The following CBFA2T2 variants were observed in gnomAD, a reference collection of about 807,000 sequenced individuals.
CBFA2T2 encodes the protein CBFA2/RUNX1 partner transcriptional co-repressor 2.
CBFA2T2 carries 11 observed loss-of-function variants against 62.2 expected under a neutral mutation model. That is an observed-to-expected ratio of 0.18 (90% confidence interval 0.11 to 0.29). The LOEUF is 0.29. Among genes scored for constraint, CBFA2T2 ranks in the 10% least tolerant of loss-of-function variants. The probability of loss-of-function intolerance (pLI) is 1.00; values close to 1 mark genes in which losing one functional copy is unlikely to be tolerated. For missense variants in CBFA2T2, 592 were observed against 774.1 expected (o/e 0.76, Z 2.79); for synonymous variants, 295 against 287.5 (o/e 1.03, Z -0.27).
intron 7 of CBFA2T2, among the ~76,000 whole-genome samples, chr20:33,628,967 T>A (rs917177341): frequency 2.0e-5 from 3 of 152,186 alleles, no homozygotes; most frequent in African/African-American, 7.2e-5. Flanking sequence ...GTATAATGGT[T>A]AACAACAAAG....
At chr20:33,555,970 A>G (rs997636914) in intron 1 of CBFA2T2, among the ~76,000 whole-genome samples, 1 of 152,178 alleles carries the variant, frequency 6.6e-6, no homozygotes, top group Non-Finnish European at 1.5e-5. Context: ...GACTCAGGCA[A>G]TCCCCCAACC....
rs567594440 is a variant in CBFA2T2, at chr20:33,606,570, T to C, written c.35-386T>C. ...GCACTCCTTGGCATTCCTCGGTGTA[T>C]AGATGTGTCACTCTAGTCCCTGCCT... On this transcript the variant is annotated intron_variant, in intron 1 of 10. Transcript: ENST00000342704. 5.3e-5 allele frequency among the ~76,000 whole-genome samples: 8 copies of C among 152,254 alleles called. No individual in the cohort carries two copies. The South Asian group carries it at 1.7e-3, about 32-fold the overall frequency.
intron 1 of CBFA2T2, among the ~76,000 whole-genome samples, chr20:33,498,494 C>T (rs1205890003): frequency 6.6e-6 from 1 of 151,968 alleles, no homozygotes; most frequent in Admixed American, 6.6e-5. Flanking sequence ...CTCAGGTCAT[C>T]TGCCCACCTC....
chr20:33,516,026 A>G (rs1237298614), intron 1 of CBFA2T2, among the ~76,000 whole-genome samples: 3 of 152,052 alleles, frequency 2.0e-5, no homozygotes, highest in Admixed American at 2.0e-4. Flanking sequence ...AATCCCAGTT[A>G]CTCAGGAGGC....
intron 1 of CBFA2T2, among the ~76,000 whole-genome samples, chr20:33,529,803 A>C (rs1344059050): frequency 7.5e-6 from 1 of 134,068 alleles, no homozygotes; most frequent in Non-Finnish European, 1.5e-5. Context: ...TTTTTTAATG[A>C]GATGGAGTTT....
At chr20:33,504,957 T>C (rs866953994) in intron 1 of CBFA2T2, among the ~76,000 whole-genome samples, 1 of 152,300 alleles carries the variant, frequency 6.6e-6, no homozygotes, top group South Asian at 2.1e-4. Context: ...TATATTCTTT[T>C]GGGGTTAGTG....
chr20:33,621,504 T>C (rs371944795), intron 4 of CBFA2T2, among the ~76,000 whole-genome samples: 5 of 151,988 alleles, frequency 3.3e-5, no homozygotes, highest in African/African-American at 1.2e-4. Flanking sequence ...GTAGCGACCA[T>C]ATTGTCCAGG....
At chr20:33,504,745 T>A (rs1218707290) in intron 1 of CBFA2T2, among the ~76,000 whole-genome samples, 7 of 152,172 alleles carry the variant, frequency 4.6e-5, no homozygotes, top group African/African-American at 1.7e-4. Context: ...TTTTCCAAAA[T>A]GGCTATACCA....
At chr20:33,497,955 T>G (rs1391798275) in intron 1 of CBFA2T2, among the ~76,000 whole-genome samples, 1 of 152,216 alleles carries the variant, frequency 6.6e-6, no homozygotes, top group East Asian at 1.9e-4. Context: ...AATGCTAGGA[T>G]TGCAGATGTG....
chr20:33,623,559 A>ATGTT (rs72452489), intron 5 of CBFA2T2, among the ~76,000 whole-genome samples: 24,289 of 148,802 alleles, frequency 0.16, 2,030 homozygotes, highest in Middle Eastern at 0.18. Flanking sequence ...TGACCAGCTA[A>ATGTT]TGTTTGTTTG....
chr20:33,557,696 G>A (rs1223064874), intron 1 of CBFA2T2, among the ~76,000 whole-genome samples: 3 of 151,794 alleles, frequency 2.0e-5, no homozygotes, highest in East Asian at 3.9e-4. Context: ...TTGTAGAAAT[G>A]GGATCTTGGT....
chr20:33,535,924 G>C (rs200938493), intron 1 of CBFA2T2, among the ~76,000 whole-genome samples: 1 of 152,144 alleles, frequency 6.6e-6, no homozygotes, highest in Admixed American at 6.5e-5. Context: ...ATCTTGCACC[G>C]CCCTTAATCC....
chr20:33,613,735 T>C (rs1038668860), intron 3 of CBFA2T2, among the ~76,000 whole-genome samples: 3 of 152,176 alleles, frequency 2.0e-5, no homozygotes, highest in Non-Finnish European at 2.9e-5. Flanking sequence ...TTCTTTTTTA[T>C]TTTAAACCTG....
chr20:33,553,936 G>A (rs2012815001), intron 1 of CBFA2T2, among the ~76,000 whole-genome samples: 1 of 151,948 alleles, frequency 6.6e-6, no homozygotes, highest in Non-Finnish European at 1.5e-5. Context: ...CAGTTTACTA[G>A]TAGGCATATG....
At chr20:33,561,964 A>G (rs992310054) in intron 1 of CBFA2T2, among the ~76,000 whole-genome samples, 2 of 152,208 alleles carry the variant, frequency 1.3e-5, no homozygotes, top group African/African-American at 4.8e-5. Context: ...TCATCCAATT[A>G]TATGTTCAAA....
At position 33,644,722 on chromosome 20, in the gene CBFA2T2, C is replaced by T. The variant is rs891079471; in HGVS notation, c.*76C>T. On this transcript the variant is annotated 3_prime_UTR_variant, in exon 11 of 11. Transcript: ENST00000342704. ...GGCTGAGGGACTGACTGTTGGAACC[C>T]GTGCATGTAGCTGCCGGGTCATCAG... The T allele has an allele frequency of 3.1e-5, 45 of 1,460,318 alleles. No individual in the cohort carries two copies. The highest frequency in any genetic ancestry group is 4.0e-5 in the Non-Finnish European group (43 of 1,080,024). 90.5% of individuals were successfully genotyped at this position (1,460,318 alleles called of 1,614,324 possible).
At chr20:33,493,700 A>G (rs1306693980) in intron 1 of CBFA2T2, among the ~76,000 whole-genome samples, 1 of 151,772 alleles carries the variant, frequency 6.6e-6, no homozygotes, top group Non-Finnish European at 1.5e-5. Flanking sequence ...ATGGGGTTTC[A>G]CTGTGTTTCT....
intron 10 of CBFA2T2, among the ~76,000 whole-genome samples, chr20:33,642,116 T>TTTTGTGTGTGTG (rs1313728159): frequency 1.7e-5 from 1 of 59,012 alleles, no homozygotes; most frequent in African/African-American, 6.9e-5. Context: ...TTTTTTTTTT[T>TTTTGTGTGTGTG]TGTGTGTGTG....
intron 2 of CBFA2T2, among the ~76,000 whole-genome samples, chr20:33,609,594 G>C (rs1421623447): frequency 5.3e-5 from 8 of 152,196 alleles, no homozygotes; most frequent in Non-Finnish European, 1.2e-4. Flanking sequence ...AGCAACAGCA[G>C]TATGTGTCAA....
Sources: allele counts gnomAD v4.1 joint callset (sites outside exome capture counted in the v4.1 genomes callset), GRCh38; gene constraint gnomAD v4.1.1; transcripts MANE v1.5; gene names NCBI Gene and HGNC (gene_info 2026-07-23, HGNC 2026-07-21).